The following GALNTL6 variants were observed in gnomAD, a reference collection of about 807,000 sequenced individuals.
GALNTL6 encodes the protein polypeptide N-acetylgalactosaminyltransferase-like 6.
A neutral mutation model predicts 73.7 loss-of-function variants in GALNTL6; 46 were observed. The ratio of observed to expected loss-of-function variants is 0.62; its 90% CI spans 0.49 to 0.80. GALNTL6 has a LOEUF of 0.80. Ranked by LOEUF, GALNTL6 falls within the 30% of genes least tolerant of loss-of-function variation. The pLI is 0.00. For missense variants in GALNTL6, 604 were observed against 755.0 expected, an observed-to-expected ratio of 0.80 and a Z score of 2.34; for synonymous variants, 259 against 263.7, an observed-to-expected ratio of 0.98 and a Z score of 0.17.
chr4:171,857,056 T>C (rs1735712925), intron 2 of GALNTL6, among the ~76,000 whole-genome samples: 1 of 152,166 alleles, frequency 6.6e-6, no homozygotes, highest in Non-Finnish European at 1.5e-5. Flanking sequence ...TGACTTTTAG[T>C]ATTTAATAAA....
chr4:171,901,245 T>A (rs1737084551), intron 2 of GALNTL6, among the ~76,000 whole-genome samples: 1 of 152,272 alleles, frequency 6.6e-6, no homozygotes, highest in Middle Eastern at 3.4e-3. Context: ...CAGAATAAAA[T>A]CTTGGTGACA....
At chr4:172,575,270 C>T (rs963428810) in intron 5 of GALNTL6, among the ~76,000 whole-genome samples, 3 of 152,116 alleles carry the variant, frequency 2.0e-5, no homozygotes, top group Admixed American at 1.3e-4. Context: ...AGGGAATTTT[C>T]CTTACTGCAA....
At chr4:172,140,597 A>G (rs529916713) in intron 2 of GALNTL6, among the ~76,000 whole-genome samples, 146 of 152,200 alleles carry the variant, frequency 9.6e-4, no homozygotes, top group African/African-American at 3.3e-3. Flanking sequence ...GGTCACAACT[A>G]GTAAATATAC....
chr4:172,844,749 A>T (rs1180401106), intron 7 of GALNTL6, among the ~76,000 whole-genome samples: 1 of 152,172 alleles, frequency 6.6e-6, no homozygotes, highest in Admixed American at 6.5e-5. Flanking sequence ...GGTAGGTGCC[A>T]CAGGTCAATT....
chr4:171,948,924 T>A (rs1738781519), intron 2 of GALNTL6, among the ~76,000 whole-genome samples: 1 of 151,592 alleles, frequency 6.6e-6, no homozygotes. Flanking sequence ...ATGGACAGTC[T>A]TTTCAACAGT....
At chr4:172,559,680 G>A (rs1214476918) in intron 5 of GALNTL6, among the ~76,000 whole-genome samples, 1 of 152,078 alleles carries the variant, frequency 6.6e-6, no homozygotes, top group Non-Finnish European at 1.5e-5. Context: ...AGAAGTCTGA[G>A]ATCTTTATTC....
At chr4:172,254,096 G>A (rs1425894631) in intron 3 of GALNTL6, among the ~76,000 whole-genome samples, 3 of 151,802 alleles carry the variant, frequency 2.0e-5, no homozygotes, top group African/African-American at 7.2e-5. Context: ...ACTACTGATA[G>A]TGTAGAGTTT....
At chr4:172,637,923 A>G (rs958634839) in intron 5 of GALNTL6, among the ~76,000 whole-genome samples, 1 of 152,012 alleles carries the variant, frequency 6.6e-6, no homozygotes, top group Admixed American at 6.6e-5. Flanking sequence ...GTCCTCTTTT[A>G]TTACCCATCC....
At chr4:172,072,040 C>G (rs1483726473) in intron 2 of GALNTL6, among the ~76,000 whole-genome samples, 3 of 152,152 alleles carry the variant, frequency 2.0e-5, no homozygotes, top group Non-Finnish European at 4.4e-5. Context: ...TGTTTTATAA[C>G]TGGCTGGCTC....
At chr4:172,401,644 C>A (rs1032348345) in intron 5 of GALNTL6, among the ~76,000 whole-genome samples, 6 of 151,908 alleles carry the variant, frequency 3.9e-5, no homozygotes, top group African/African-American at 1.2e-4. Flanking sequence ...AAATTTATGA[C>A]CTTATTTAAG....
At chr4:172,157,471 A>G (rs2110780316) in intron 2 of GALNTL6, among the ~76,000 whole-genome samples, 1 of 152,236 alleles carries the variant, frequency 6.6e-6, no homozygotes, top group East Asian at 1.9e-4. Context: ...GCCTACACCA[A>G]TGGTTAAATA....
At chr4:172,350,543 A>C (rs181618615) in intron 5 of GALNTL6, among the ~76,000 whole-genome samples, 18 of 152,196 alleles carry the variant, frequency 1.2e-4, no homozygotes, top group Admixed American at 2.0e-4. Context: ...GTGATTTTTG[A>C]ATTTCCTAAT....
At chr4:172,270,179 G>C (rs1738594815) in intron 3 of GALNTL6, among the ~76,000 whole-genome samples, 1 of 149,202 alleles carries the variant, frequency 6.7e-6, no homozygotes. Flanking sequence ...CACTGTGTGT[G>C]TGTGTGTGTA....
chr4:172,571,001 A>G (rs370030416), intron 5 of GALNTL6, among the ~76,000 whole-genome samples: 32 of 152,284 alleles, frequency 2.1e-4, no homozygotes, highest in African/African-American at 7.0e-4. Context: ...TGGAGCTCAG[A>G]AAGGTAATGC....
At chr4:172,561,433 T>C (rs891051762) in intron 5 of GALNTL6, among the ~76,000 whole-genome samples, 2 of 152,102 alleles carry the variant, frequency 1.3e-5, no homozygotes, top group African/African-American at 4.8e-5. Flanking sequence ...TTTAAGAAGG[T>C]AGAAACACCA....
intron 2 of GALNTL6, among the ~76,000 whole-genome samples, chr4:171,841,325 T>G (rs558806334): frequency 1.3e-5 from 2 of 152,278 alleles, no homozygotes; most frequent in South Asian, 4.1e-4. Flanking sequence ...TCAGTGCAAT[T>G]TGATCACTGC....
At chr4:172,622,631 G>A (rs1248404082) in intron 5 of GALNTL6, among the ~76,000 whole-genome samples, 1 of 152,070 alleles carries the variant, frequency 6.6e-6, no homozygotes, top group Non-Finnish European at 1.5e-5. Context: ...ATGCTCCTCT[G>A]AAACTAGGAA....
intron 4 of GALNTL6, among the ~76,000 whole-genome samples, chr4:172,341,558 G>T (rs988107873): frequency 6.6e-6 from 1 of 152,046 alleles, no homozygotes; most frequent in Non-Finnish European, 1.5e-5. Flanking sequence ...ATTCCCACGT[G>T]TTGTGGGGAG....
intron 7 of GALNTL6, among the ~76,000 whole-genome samples, chr4:172,816,533 A>G (rs1053157322): frequency 1.3e-5 from 2 of 152,248 alleles, no homozygotes; most frequent in African/African-American, 4.8e-5. Context: ...TATAAGGCAT[A>G]TATGAACCTG....
Sources: gnomAD v4.1 joint callset for allele counts (sites outside exome capture counted in the v4.1 genomes callset) on GRCh38, gnomAD v4.1.1 for gene constraint, MANE v1.5 for transcripts, NCBI Gene and HGNC (gene_info 2026-07-23, HGNC 2026-07-21) for gene names.